Variants in TMEM45A observed in about 807,000 individuals in gnomAD.
TMEM45A encodes transmembrane protein 45A.
A neutral mutation model predicts 32.0 loss-of-function variants in TMEM45A; 25 were observed. The observed-to-expected ratio is 0.78, with a 90% CI of 0.57 to 1.09. The LOEUF is 1.09. Ranked by LOEUF, TMEM45A falls within the 50% of genes least tolerant of loss-of-function variation. The pLI is 0.00. For synonymous variants in TMEM45A, 122 were observed against 114.8 expected (o/e 1.06, Z -0.40); for missense variants, 302 against 325.0 (o/e 0.93, Z 0.54).
chr3:100,492,755 T>TCCCCCCCCCCCCCC lies in TMEM45A; in HGVS notation c.-175_-174insCCCCCCCCCCCCCC, dbSNP rs755848570. The TCCCCCCCCCCCCCC allele has an allele frequency of 8.4e-5, 12 of 143,520 alleles. No individual in the cohort carries two copies. The highest frequency in any genetic ancestry group is 2.2e-4 in the South Asian group (1 of 4,538). 8.9% of individuals were successfully genotyped at this position (143,520 alleles called of 1,614,324 possible). A position where few individuals can be genotyped will look rare whatever the true frequency, so the allele number is the denominator to read the frequency against. On this transcript the variant is annotated 5_prime_UTR_variant, in exon 1 of 6. Transcript: ENST00000323523. ...CGACTAGGGACCCAAGTTTAAAAAT[T>TCCCCCCCCCCCCCC]CCTCCCCCCACCCAATGCGAGACGT... is the stretch of plus-strand genomic sequence containing the variant.
At chr3:100,517,462 G>A (rs2084236030) in intron 1 of TMEM45A, among the ~76,000 whole-genome samples, 1 of 152,244 alleles carries the variant, frequency 6.6e-6, no homozygotes, top group South Asian at 2.1e-4. Context: ...CAGGCTTGAA[G>A]TGTATCATCT....
In TMEM45A at chr3:100,515,007, G is replaced by A. The variant is rs1488417536; in HGVS notation, c.-4+22079G>A. ...TGCTGGAGAGGACGTGGAGAAATAG[G>A]AACACTTTTACACTGTTGGTGGGAC... On this transcript the variant is annotated intron_variant, in intron 1 of 5. Transcript: ENST00000323523. Among the ~76,000 whole-genome samples, 1,070 of 150,382 alleles carry A rather than the reference G, an allele frequency of 7.1e-3. 10 individuals are homozygous for A. Among genetic ancestry groups the A allele is most frequent in the African/African-American group, 0.025 (1,012 of 40,666 alleles).
At chr3:100,547,632 C>A (rs1026893538) in intron 1 of TMEM45A, among the ~76,000 whole-genome samples, 4 of 151,786 alleles carry the variant, frequency 2.6e-5, no homozygotes, top group Non-Finnish European at 4.4e-5. Flanking sequence ...TTGGGGGTGG[C>A]AGAGGCAGAA....
At chr3:100,573,299 C>T (rs1449702428) in intron 5 of TMEM45A, 4 of 151,426 alleles carry the variant, frequency 2.6e-5, no homozygotes, top group African/African-American at 9.7e-5. Flanking sequence ...TGTAGTTCTC[C>T]TTGAAGAGGT....
intron 1 of TMEM45A, among the ~76,000 whole-genome samples, chr3:100,528,657 G>T (rs1705592595): frequency 6.6e-6 from 1 of 152,090 alleles, no homozygotes; most frequent in South Asian, 2.1e-4. Flanking sequence ...AAAGGAGATT[G>T]GAATTTAGCT....
chr3:100,550,746 T>TA lies in TMEM45A; in HGVS notation c.-3-4462dup, dbSNP rs113919611. Among the ~76,000 whole-genome samples the TA allele has an allele frequency of 5.5e-3, 839 of 152,338 alleles. 8 individuals are homozygous for TA. Among genetic ancestry groups the TA allele is most frequent in the African/African-American group, 0.019 (806 of 41,584 alleles). On this transcript the variant is annotated intron_variant, in intron 1 of 5. Coordinates refer to ENST00000323523, the MANE Select transcript of TMEM45A (RefSeq NM_018004.3). ...TTAGATCTTGGGCTCTGCCCAATAT[T>TA]ATCTCTTAAGGGATAGAGTTTTAAA...
At chr3:100,500,249 GT>G (rs1175678211) in intron 1 of TMEM45A, among the ~76,000 whole-genome samples, 1 of 152,032 alleles carries the variant, frequency 6.6e-6, no homozygotes, top group Non-Finnish European at 1.5e-5. Flanking sequence ...TTCAGACCTT[GT>G]TTTTTTAAAA....
At chr3:100,517,143 G>A (rs1452652253) in intron 1 of TMEM45A, among the ~76,000 whole-genome samples, 1 of 151,800 alleles carries the variant, frequency 6.6e-6, no homozygotes, top group Non-Finnish European at 1.5e-5. Flanking sequence ...TTAAGACAGA[G>A]TCTCTCTCTG....
intron 1 of TMEM45A, among the ~76,000 whole-genome samples, chr3:100,496,182 C>CTT (rs1309620573): frequency 1.3e-5 from 2 of 152,114 alleles, no homozygotes; most frequent in East Asian, 3.9e-4. Flanking sequence ...TCTAGAGGCC[C>CTT]TTTTTCTCTC....
At chr3:100,570,025 A>G (rs1039605890) in intron 5 of TMEM45A, among the ~76,000 whole-genome samples, 2 of 152,352 alleles carry the variant, frequency 1.3e-5, no homozygotes, top group South Asian at 2.1e-4. Flanking sequence ...ATGACCAGGC[A>G]TGAAGACTCC....
At chr3:100,501,832 T>G (rs1708011758) in intron 1 of TMEM45A, among the ~76,000 whole-genome samples, 1 of 152,186 alleles carries the variant, frequency 6.6e-6, no homozygotes, top group Non-Finnish European at 1.5e-5. Context: ...CTGACATGAG[T>G]CAACAACTAG....
chr3:100,526,582 G>A (rs993413163), intron 1 of TMEM45A, among the ~76,000 whole-genome samples: 8 of 152,132 alleles, frequency 5.3e-5, no homozygotes, highest in African/African-American at 1.4e-4. Context: ...GACACCATGA[G>A]GCTAAAAGTA....
chr3:100,526,991 G>A (rs1005866589), intron 1 of TMEM45A, among the ~76,000 whole-genome samples: 19 of 152,008 alleles, frequency 1.2e-4, no homozygotes, highest in African/African-American at 3.9e-4. Context: ...ATTTATGTCC[G>A]TATTTTAAAA....
intron 4 of TMEM45A, among the ~76,000 whole-genome samples, chr3:100,564,516 C>T (rs1033409144): frequency 6.6e-6 from 1 of 150,524 alleles, no homozygotes; most frequent in African/African-American, 2.4e-5. Flanking sequence ...CACTCTGTGG[C>T]CCAGGCTGTG....
intron 4 of TMEM45A, among the ~76,000 whole-genome samples, chr3:100,560,939 A>G (rs1254788361): frequency 1.3e-5 from 2 of 152,204 alleles, no homozygotes. Context: ...TTCCCCCAAA[A>G]GCTTTTCTAA....
chr3:100,523,086 A>G (rs1224512803), intron 1 of TMEM45A, among the ~76,000 whole-genome samples: 1 of 152,104 alleles, frequency 6.6e-6, no homozygotes, highest in African/African-American at 2.4e-5. Context: ...TTTCCATCCT[A>G]CCATATTCTG....
chr3:100,561,411 A>T (rs1387205314), intron 4 of TMEM45A, among the ~76,000 whole-genome samples: 1 of 152,216 alleles, frequency 6.6e-6, no homozygotes, highest in African/African-American at 2.4e-5. Flanking sequence ...TGGAACCGTA[A>T]GTATGGAGAT....
chr3:100,534,419 G>A (rs989398295), intron 1 of TMEM45A, among the ~76,000 whole-genome samples: 3 of 152,140 alleles, frequency 2.0e-5, no homozygotes, highest in African/African-American at 7.2e-5. Flanking sequence ...AAGGAGATGT[G>A]GCAAAAGGAG....
At chr3:100,534,981 G>C (rs1171018643) in intron 1 of TMEM45A, among the ~76,000 whole-genome samples, 2 of 152,160 alleles carry the variant, frequency 1.3e-5, no homozygotes, top group East Asian at 3.9e-4. Context: ...TTCCCAATAG[G>C]AACCACTGTT....
Sources: allele counts gnomAD v4.1 joint callset (sites outside exome capture counted in the v4.1 genomes callset), GRCh38; gene constraint gnomAD v4.1.1; transcripts MANE v1.5; gene names NCBI Gene and HGNC (gene_info 2026-07-23, HGNC 2026-07-21).